Variants in GABRG3 observed in about 807,000 individuals in gnomAD.
GABRG3 encodes the protein gamma-aminobutyric acid type A receptor subunit gamma3.
In GABRG3, 25 loss-of-function variants were observed where a neutral mutation model predicts 48.8. The ratio of observed to expected loss-of-function variants is 0.51; its 90% CI spans 0.37 to 0.72. GABRG3 has a LOEUF of 0.72. GABRG3 is among the 30% of genes least tolerant of loss of function. GABRG3 has a pLI of 0.00. For missense variants in GABRG3, 394 were observed against 577.9 expected (o/e 0.68, Z 3.26); for synonymous variants, 227 against 217.6 (o/e 1.04, Z -0.38).
chr15:27,033,154 A>G (rs1456437551), intron 3 of GABRG3, among the ~76,000 whole-genome samples: 1 of 151,548 alleles, frequency 6.6e-6, no homozygotes, highest in Non-Finnish European at 1.5e-5. Flanking sequence ...CTTCTTGGCC[A>G]GTTTTTCCCT....
At chr15:27,187,851 A>C (rs1888147771) in intron 3 of GABRG3, among the ~76,000 whole-genome samples, 1 of 150,890 alleles carries the variant, frequency 6.6e-6, no homozygotes, top group African/African-American at 2.4e-5. Flanking sequence ...AGCATTAGGT[A>C]TATCTCCCAA....
intron 5 of GABRG3, among the ~76,000 whole-genome samples, chr15:27,410,340 A>T (rs1267972614): frequency 6.6e-6 from 1 of 152,160 alleles, no homozygotes; most frequent in African/African-American, 2.4e-5. Context: ...TTTATAAAAG[A>T]TACTATAGTT....
chr15:27,137,702 C>T (rs1304785553), intron 3 of GABRG3, among the ~76,000 whole-genome samples: 1 of 152,160 alleles, frequency 6.6e-6, no homozygotes, highest in Non-Finnish European at 1.5e-5. Flanking sequence ...GTTCACAGGA[C>T]TTGTCTCTAG....
chr15:27,223,126 TTA>T (rs1245374619), intron 3 of GABRG3, among the ~76,000 whole-genome samples: 2 of 152,250 alleles, frequency 1.3e-5, no homozygotes, highest in Non-Finnish European at 2.9e-5. Flanking sequence ...ATTTGTATCT[TTA>T]TAGCATTTCA....
chr15:27,228,585 A>G (rs1889699402), intron 3 of GABRG3, among the ~76,000 whole-genome samples: 1 of 152,218 alleles, frequency 6.6e-6, no homozygotes, highest in South Asian at 2.1e-4. Flanking sequence ...ATACCCAGTA[A>G]TGGGATTGCT....
chr15:27,260,303 G>A (rs1793162018), intron 3 of GABRG3, among the ~76,000 whole-genome samples: 1 of 152,084 alleles, frequency 6.6e-6, no homozygotes, highest in South Asian at 2.1e-4. Flanking sequence ...TTTTTCGAAT[G>A]AGGACATCAG....
chr15:27,291,362 GGTT>G (rs1478474036), intron 3 of GABRG3, among the ~76,000 whole-genome samples: 1 of 152,112 alleles, frequency 6.6e-6, no homozygotes, highest in African/African-American at 2.4e-5. Flanking sequence ...ATTCACTGTA[GGTT>G]GTTCTTGAGT....
chr15:27,055,069 G>A (rs987614444), intron 3 of GABRG3, among the ~76,000 whole-genome samples: 23 of 149,924 alleles, frequency 1.5e-4, no homozygotes, highest in African/African-American at 5.7e-4. Flanking sequence ...ATTCTTAAAG[G>A]ATTGTGAAAA....
rs1259597632 is a variant in GABRG3, at chr15:27,488,955, G to A, written c.712+8168G>A. ...GCAGGTTTGTTACATAGGTATACAC[G>A]TGCCATGGTGGTTTGCTGCACCCAT... On this transcript the variant is annotated intron_variant, in intron 6 of 9. Transcript: ENST00000615808. Among the ~76,000 whole-genome samples, 8 of 152,002 alleles carry A rather than the reference G, an allele frequency of 5.3e-5. No individual in the cohort carries two copies. In the East Asian group the frequency reaches 1.4e-3, roughly 26 times the overall value.
chr15:27,407,222 G>A (rs563269210), intron 5 of GABRG3, among the ~76,000 whole-genome samples: 4 of 152,114 alleles, frequency 2.6e-5, no homozygotes, highest in Admixed American at 6.6e-5. Flanking sequence ...CACCGCGCTC[G>A]GCTCTAAAGC....
At chr15:27,164,238 G>T (rs1887299980) in intron 3 of GABRG3, among the ~76,000 whole-genome samples, 2 of 151,950 alleles carry the variant, frequency 1.3e-5, no homozygotes. Context: ...CACAAACACA[G>T]CTTCTCTTTT....
chr15:27,202,070 C>G (rs1888701318), intron 3 of GABRG3, among the ~76,000 whole-genome samples: 1 of 152,140 alleles, frequency 6.6e-6, no homozygotes, highest in African/African-American at 2.4e-5. Context: ...TTTTTACTTC[C>G]TTTCCCCATC....
intron 5 of GABRG3, among the ~76,000 whole-genome samples, chr15:27,407,720 A>G (rs1887679971): frequency 6.6e-6 from 1 of 152,202 alleles, no homozygotes; most frequent in South Asian, 2.1e-4. Flanking sequence ...AAGGGCTATA[A>G]CTGTATGATT....
chr15:27,109,339 GTTAAC>G (rs1566937599), intron 3 of GABRG3, among the ~76,000 whole-genome samples: 1 of 152,042 alleles, frequency 6.6e-6, no homozygotes, highest in Non-Finnish European at 1.5e-5. Context: ...AATGCATTTT[GTTAAC>G]TTAAGTTTAT....
At chr15:27,134,728 C>T (rs1367507579) in intron 3 of GABRG3, among the ~76,000 whole-genome samples, 1 of 152,222 alleles carries the variant, frequency 6.6e-6, no homozygotes, top group Non-Finnish European at 1.5e-5. Flanking sequence ...GCTTCTGCTG[C>T]TCATGTTGGT....
chr15:27,103,085 G>A (rs1897388677), intron 3 of GABRG3, among the ~76,000 whole-genome samples: 1 of 152,158 alleles, frequency 6.6e-6, no homozygotes, highest in African/African-American at 2.4e-5. Flanking sequence ...GTCTTTCTTA[G>A]TTGTCAGTGA....
rs1415178553 is a variant in GABRG3 at position 27,319,562 on chromosome 15, C to T, written c.271-7247C>T. 6.6e-6 allele frequency among the ~76,000 whole-genome samples: 1 copy of T among 152,082 alleles called. No individual in the cohort carries two copies. Among genetic ancestry groups the T allele is most frequent in the African/African-American group, 2.4e-5 (1 of 41,400 alleles). On this transcript the variant is annotated intron_variant, in intron 3 of 9. Coordinates refer to ENST00000615808, the MANE Select transcript of GABRG3 (RefSeq NM_033223.5). The surrounding 1 kb of genome is among the most constrained non-coding windows in gnomAD (Gnocchi z 4.4). Reference sequence around the variant, plus strand: ...TAGTGAGTAATACCATGAGGAGGGGCAGGCTGTTGGCAAATATGCCAATGC... The same window carrying T: ...TAGTGAGTAATACCATGAGGAGGGGTAGGCTGTTGGCAAATATGCCAATGC...
intron 3 of GABRG3, among the ~76,000 whole-genome samples, chr15:27,217,289 A>G (rs1889292332): frequency 6.6e-6 from 1 of 152,174 alleles, no homozygotes. Context: ...AATTCATTTC[A>G]ATTAAGGAAT....
At chr15:27,162,231 T>C (rs981005902) in intron 3 of GABRG3, among the ~76,000 whole-genome samples, 2 of 152,160 alleles carry the variant, frequency 1.3e-5, no homozygotes, top group African/African-American at 4.8e-5. Flanking sequence ...ACGGTGAACT[T>C]GATTCATTAG....
Sources: gnomAD v4.1 joint callset for allele counts (sites outside exome capture counted in the v4.1 genomes callset) on GRCh38, gnomAD v4.1.1 for gene constraint, Gnocchi (gnomAD v3.1) non-coding constraint, MANE v1.5 for transcripts, NCBI Gene and HGNC (gene_info 2026-07-23, HGNC 2026-07-21) for gene names.